The following ZC3H7B variants were observed in gnomAD, a reference collection of about 807,000 sequenced individuals.
ZC3H7B encodes the protein zinc finger CCCH-type containing 7B.
Under a neutral mutation model 116.0 loss-of-function variants are expected in ZC3H7B, and 35 were observed. The observed-to-expected ratio is 0.30, with a 90% CI of 0.23 to 0.40. The LOEUF is 0.40. Ranked by LOEUF, ZC3H7B falls within the 10% of genes least tolerant of loss-of-function variation. ZC3H7B has a pLI of 1.00. For missense variants in ZC3H7B, 1,011 were observed against 1,321.5 expected (o/e 0.77, Z 3.64); for synonymous variants, 502 against 545.6 (o/e 0.92, Z 1.11).
chr22:41,347,819 C>T (rs898290558), intron 14 of ZC3H7B, among the ~76,000 whole-genome samples: 3 of 152,178 alleles, frequency 2.0e-5, no homozygotes, highest in African/African-American at 7.2e-5. Flanking sequence ...CCCCCTGCCT[C>T]AGGCATTGGG....
chr22:41,348,309 A>G (rs2036613704), intron 15 of ZC3H7B, 142 bp downstream of exon 15: 6 of 668,548 alleles, frequency 9.0e-6, no homozygotes, highest in Non-Finnish European at 1.6e-5. Context: ...AATCAAATCC[A>G]GCCTCCACCT....
intron 1 of ZC3H7B, among the ~76,000 whole-genome samples, chr22:41,305,337 T>C (rs61298040): frequency 0.33 from 47,776 of 145,638 alleles, 8,248 homozygotes; most frequent in Admixed American, 0.5. Context: ...AGCAAGACTC[T>C]GTCTCAAAAA....
In ZC3H7B at chr22:41,351,700, T is replaced by C; in HGVS notation, c.2034+54T>C. ...TCAGATTTTGTGAATTGTCCCCAAA[T>C]TACAAACAGGAAGGCTCTAATTTTA... is the stretch of plus-strand genomic sequence containing the variant. On this transcript the variant is annotated intron_variant, in intron 17 of 22. Coordinates refer to ENST00000352645, the MANE Select transcript of ZC3H7B (RefSeq NM_017590.6). The surrounding 1 kb of genome is among the most constrained non-coding windows in gnomAD (Gnocchi z 5.1). The C allele has an allele frequency of 1.3e-6, 2 of 1,556,478 alleles. No individual in the cohort carries two copies. The highest frequency in any genetic ancestry group is 1.8e-6 in the Non-Finnish European group (2 of 1,141,358).
intron 15 of ZC3H7B, 70 bp downstream of exon 15, chr22:41,348,237 G>T (rs1428989282): frequency 7.2e-7 from 1 of 1,382,784 alleles, no homozygotes; most frequent in Non-Finnish European, 1.0e-6. Flanking sequence ...AGCTCAGATG[G>T]CTGAGGAAAG....
At chr22:41,303,716 C>A (rs2036003999) in intron 1 of ZC3H7B, among the ~76,000 whole-genome samples, 1 of 152,178 alleles carries the variant, frequency 6.6e-6, no homozygotes, top group Non-Finnish European at 1.5e-5. Context: ...TTCCCAGAGT[C>A]CTGGGCCACC....
At chr22:41,341,683 C>T (rs946847823) in intron 11 of ZC3H7B, among the ~76,000 whole-genome samples, 3 of 152,048 alleles carry the variant, frequency 2.0e-5, no homozygotes, top group Non-Finnish European at 4.4e-5. Flanking sequence ...GCAGAGTTTG[C>T]AGTGAGCCGA....
At chr22:41,312,592 AAATAAT>A (rs1185774879) in intron 1 of ZC3H7B, among the ~76,000 whole-genome samples, 1 of 151,706 alleles carries the variant, frequency 6.6e-6, no homozygotes, top group African/African-American at 2.4e-5. Flanking sequence ...CCTGCCTCTA[AAATAAT>A]AATAATAAAT....
In ZC3H7B at chr22:41,357,869, C is replaced by G. The variant is rs1051184101; in HGVS notation, c.*440C>G. On this transcript the variant is annotated 3_prime_UTR_variant, in exon 23 of 23. Coordinates refer to ENST00000352645, the MANE Select transcript of ZC3H7B (RefSeq NM_017590.6). The surrounding 1 kb of genome is among the most constrained non-coding windows in gnomAD (Gnocchi z 5.4). ...CCCTCCCCCTGGGGGCAAATCAGGA[C>G]ACAACAGAGGGCAGAGGCCCCATTA... The G allele has an allele frequency of 9.0e-6, 2 of 222,210 alleles. No individual in the cohort carries two copies. Among genetic ancestry groups the G allele is most frequent in the South Asian group, 1.6e-4 (2 of 12,558 alleles). 13.8% of individuals were successfully genotyped at this position (222,210 alleles called of 1,614,324 possible).
chr22:41,303,850 C>T (rs1256880449), intron 1 of ZC3H7B, among the ~76,000 whole-genome samples: 8 of 152,054 alleles, frequency 5.3e-5, no homozygotes, highest in South Asian at 4.1e-4. Context: ...CTCCGCCTCC[C>T]GGGTTCACGC....
rs530322564 is a variant in ZC3H7B at position 41,309,200 on chromosome 22, C to T, written c.-7+7428C>T. The stretch of plus-strand genomic sequence containing the variant: ...CTAATTTTTGTATTTTTAGTAGAGA[C>T]GGGGTTTCACCGTGTTAGCCAGGAT... On this transcript the variant is annotated intron_variant, in intron 1 of 22. Coordinates refer to ENST00000352645, the MANE Select transcript of ZC3H7B (RefSeq NM_017590.6). 5.7e-4 allele frequency among the ~76,000 whole-genome samples: 87 copies of T among 151,648 alleles called. 1 individual carries two copies. In the East Asian group the frequency reaches 0.014, roughly 24 times the overall value.
chr22:41,339,733 C>T (rs985657028), intron 9 of ZC3H7B, 83 bp from the exon 10 acceptor site: 5 of 1,367,812 alleles, frequency 3.7e-6, no homozygotes, highest in Admixed American at 4.5e-5. Context: ...GTGCAGGTCT[C>T]CTTGCTTCCC....
Position 41,349,413 on chromosome 22 carries a change from C to T in ZC3H7B, c.1948+112C>T. ...GTGACAGGCCAGGGCCCCATGGTCGCTGGAGGGGGCTTCGGGAGAGTTCAG... is the reference window on the plus strand; with the variant it reads ...GTGACAGGCCAGGGCCCCATGGTCGTTGGAGGGGGCTTCGGGAGAGTTCAG... On this transcript the variant is annotated intron_variant, in intron 16 of 22. Coordinates refer to ENST00000352645, the MANE Select transcript of ZC3H7B (RefSeq NM_017590.6). The surrounding 1 kb of genome is among the most constrained non-coding windows in gnomAD (Gnocchi z 4.9). 1 of 1,410,512 alleles carries T rather than the reference C, an allele frequency of 7.1e-7. No individual in the cohort carries two copies. The highest frequency in any genetic ancestry group is 1.3e-5 in the South Asian group (1 of 75,964). The allele number at this position is 1,410,512 out of a possible 1,614,324, so 87.4% of individuals were successfully genotyped here. A position where few individuals can be genotyped will look rare whatever the true frequency, so the allele number is the denominator to read the frequency against.
At position 41,327,158 on chromosome 22, in the gene ZC3H7B, G is replaced by T; in HGVS notation, c.286-48G>T. 6.3e-7 allele frequency: 1 copy of T among 1,599,676 alleles called. No homozygotes were observed. The highest frequency in any genetic ancestry group is 8.5e-7 in the Non-Finnish European group (1 of 1,171,012). Reference sequence around the variant, plus strand: ...AGGCAGGGGCAGGAGGCCTGGGGGAGGGAGGGTAACAGGTGTTGACCAGTG... The same window carrying T: ...AGGCAGGGGCAGGAGGCCTGGGGGATGGAGGGTAACAGGTGTTGACCAGTG... On this transcript the variant is annotated intron_variant, in intron 4 of 22. Transcript: ENST00000352645. The surrounding 1 kb of genome is among the most constrained non-coding windows in gnomAD (Gnocchi z 4.5).
At chr22:41,311,940 T>C (rs994686221) in intron 1 of ZC3H7B, among the ~76,000 whole-genome samples, 19 of 152,170 alleles carry the variant, frequency 1.2e-4, no homozygotes, top group African/African-American at 4.6e-4. Flanking sequence ...GGAATTTAAT[T>C]AACTAATTTA....
At chr22:41,325,656 C>T (rs1026616489) in intron 3 of ZC3H7B, 59 bp downstream of exon 3, 79 of 1,607,486 alleles carry the variant, frequency 4.9e-5, no homozygotes, top group Admixed American at 1.2e-4. Flanking sequence ...AGGGGAGAGG[C>T]GTGGGCCGGG....
At chr22:41,356,209 AGGCCAGGCCCTG>A in intron 20 of ZC3H7B, 122 bp from the exon 21 acceptor site, 10 of 1,503,922 alleles carry the variant, frequency 6.6e-6, no homozygotes, top group Non-Finnish European at 9.0e-6. Context: ...GCCCTCTCTG[AGGCCAGGCCCTG>A]AGGCTGAGCG....
intron 2 of ZC3H7B, 25 bp from the exon 3 acceptor site, chr22:41,325,539 G>T: frequency 2.5e-6 from 4 of 1,604,456 alleles, no homozygotes; most frequent in Non-Finnish European, 3.4e-6. Flanking sequence ...GCTCACCCAG[G>T]CCTCGTGTTT....
chr22:41,306,649 C>T (rs563815684), intron 1 of ZC3H7B, among the ~76,000 whole-genome samples: 4 of 152,238 alleles, frequency 2.6e-5, no homozygotes, highest in Admixed American at 2.0e-4. Flanking sequence ...GGATTACAGG[C>T]GTGAGCCACT....
intron 1 of ZC3H7B, among the ~76,000 whole-genome samples, chr22:41,305,715 G>A (rs142711714): frequency 2.0e-5 from 3 of 152,272 alleles, no homozygotes; most frequent in African/African-American, 2.4e-5. Context: ...GTCCCTGAGC[G>A]TGGGGATCTG....
Sources: gnomAD v4.1 joint callset for allele counts (sites outside exome capture counted in the v4.1 genomes callset) on GRCh38, gnomAD v4.1.1 for gene constraint, Gnocchi (gnomAD v3.1) non-coding constraint, MANE v1.5 for transcripts, NCBI Gene and HGNC (gene_info 2026-07-23, HGNC 2026-07-21) for gene names.